Variants in ANKRD24 observed in about 807,000 individuals in gnomAD.
ANKRD24 encodes ankyrin repeat domain-containing protein 24.
In ANKRD24, 109 loss-of-function variants were observed where a neutral mutation model predicts 127.8. That is an observed-to-expected ratio of 0.85 (90% confidence interval 0.73 to 1.00). The LOEUF (loss-of-function observed/expected upper bound fraction) is 1.00. Among genes scored for constraint, ANKRD24 ranks in the 50% least tolerant of loss-of-function variants. The pLI, the probability that ANKRD24 is intolerant of heterozygous loss-of-function variation, is 0.00. For synonymous variants in ANKRD24, 743 were observed against 671.1 expected, an observed-to-expected ratio of 1.11 and a Z score of -1.66; for missense variants, 1,648 against 1,570.2, an observed-to-expected ratio of 1.05 and a Z score of -0.84.
chr19:4,198,091 T>A lies in ANKRD24; in HGVS notation c.37-1592T>A, dbSNP rs1340323474. The A allele has an allele frequency of 4.4e-6, 2 of 459,138 alleles. No homozygotes were observed. Among genetic ancestry groups the A allele is most frequent in the East Asian group, 3.5e-5 (1 of 28,218 alleles). 28.4% of individuals were successfully genotyped at this position (459,138 alleles called of 1,614,324 possible). ...CGGGCCCGGAGGCACCTGCGCGCCCTTGGCCGACTCGGAGGAGGTGGAGAT... is the reference window on the plus strand; with the variant it reads ...CGGGCCCGGAGGCACCTGCGCGCCCATGGCCGACTCGGAGGAGGTGGAGAT... On this transcript the variant is annotated intron_variant, in intron 2 of 21. Transcript: ENST00000318934. This position sits in a 1 kb window ranked among gnomAD's most constrained non-coding sequence, Gnocchi z 6.1.
intron 15 of ANKRD24, 62 bp from the exon 16 acceptor site, chr19:4,215,916 T>C: frequency 1.5e-6 from 2 of 1,343,542 alleles, no homozygotes; most frequent in Non-Finnish European, 2.1e-6. Context: ...ACTGGAGTCT[T>C]GGTGGGGACA....
At chr19:4,223,402 T>TATATATATATATATATA (rs1491398712) in intron 20 of ANKRD24, among the ~76,000 whole-genome samples, 6 of 40,428 alleles carry the variant, frequency 1.5e-4, no homozygotes, top group African/African-American at 7.2e-4. Flanking sequence ...TATATATATA[T>TATATATATATATATATA]TTTTTTTTTT....
At chr19:4,207,458 G>A (rs1969455608) in intron 8 of ANKRD24, 43 bp from the exon 9 acceptor site, 4 of 1,596,080 alleles carry the variant, frequency 2.5e-6, no homozygotes, top group African/African-American at 1.3e-5. Flanking sequence ...ACCTCCCGGG[G>A]GTCAGTTTCT....
intron 2 of ANKRD24, among the ~76,000 whole-genome samples, chr19:4,187,441 G>A (rs1239159383): frequency 2.0e-5 from 3 of 152,030 alleles, no homozygotes; most frequent in Admixed American, 1.3e-4. Flanking sequence ...AAAAAGGGAA[G>A]GGGAGTGGGG....
At chr19:4,215,766 C>A (rs1400981047) in intron 15 of ANKRD24, among the ~76,000 whole-genome samples, 4 of 64,426 alleles carry the variant, frequency 6.2e-5, no homozygotes, top group Non-Finnish European at 1.2e-4. Flanking sequence ...CAGAGTAAGA[C>A]CCTGGCTCCA....
intron 2 of ANKRD24, 27 bp downstream of exon 2, chr19:4,186,488 T>TA: frequency 4.4e-6 from 7 of 1,583,580 alleles, no homozygotes; most frequent in Non-Finnish European, 6.0e-6. Flanking sequence ...AGATGCCCGA[T>TA]ACACCCCTGC....
intron 2 of ANKRD24, among the ~76,000 whole-genome samples, chr19:4,197,138 G>A (rs1439227735): frequency 6.6e-6 from 1 of 152,144 alleles, no homozygotes; most frequent in Non-Finnish European, 1.5e-5. Flanking sequence ...TTACGGAGGA[G>A]GAAGGAGAAG....
intron 7 of ANKRD24, chr19:4,207,016 C>T: frequency 5.2e-6 from 3 of 575,506 alleles, no homozygotes; most frequent in Non-Finnish European, 9.3e-6. Flanking sequence ...AGCGGTCCTC[C>T]CGCTTCAGCT....
At chr19:4,216,182 G>C in intron 16 of ANKRD24, 102 bp from the exon 17 acceptor site, 1 of 1,396,086 alleles carries the variant, frequency 7.2e-7, no homozygotes, top group Non-Finnish European at 9.8e-7. Context: ...AATTCTGCTT[G>C]GCTGAGCCTG....
rs1969171551 is a variant in ANKRD24, at chr19:4,202,885, A to G, written c.425A>G (p.Asp142Gly). ...KQLLQASCVV[D>G]VVDSSGWTAL... Reference sequence around the variant, plus strand: ...CATCCCCAGGCTTCCTGCGTGGTGGACGTCGTGGACAGCAGCGGGTGGACT... The same window carrying G: ...CATCCCCAGGCTTCCTGCGTGGTGGGCGTCGTGGACAGCAGCGGGTGGACT... The change falls in exon 7 of 22, where the codon GAC (aspartate) becomes GGC (glycine). Residue 142 changes from aspartate to glycine, a missense_variant. Asp to Gly is a moderately conservative substitution (Grantham distance 94). Transcript: ENST00000318934. 6.3e-7 allele frequency: 1 copy of G among 1,591,104 alleles called. No individual in the cohort carries two copies. The highest frequency in any genetic ancestry group is 1.3e-5 in the African/African-American group (1 of 74,362).
At chr19:4,211,669 A>G (rs952963957) in intron 13 of ANKRD24, among the ~76,000 whole-genome samples, 1 of 151,876 alleles carries the variant, frequency 6.6e-6, no homozygotes, top group African/African-American at 2.4e-5. Context: ...AACAACAACA[A>G]ACAAAAACAA....
At chr19:4,186,239 G>T in intron 1 of ANKRD24, 151 bp from the exon 2 acceptor site, 1 of 1,427,298 alleles carries the variant, frequency 7.0e-7, no homozygotes, top group African/African-American at 1.4e-5. Flanking sequence ...ACACACAGCA[G>T]GTAGGAGATA....
At chr19:4,196,015 G>A (rs566860228) in intron 2 of ANKRD24, among the ~76,000 whole-genome samples, 1 of 152,326 alleles carries the variant, frequency 6.6e-6, no homozygotes, top group Admixed American at 6.5e-5. Flanking sequence ...GCCAGTGTTG[G>A]GATATCTGTG....
intron 1 of ANKRD24, among the ~76,000 whole-genome samples, chr19:4,185,143 GGTGGATGGATGAAGGGATGGATAA>G (rs1217340263): frequency 3.3e-5 from 5 of 151,842 alleles, no homozygotes; most frequent in Admixed American, 3.3e-4. Context: ...TGGGTGGTTG[GGTGGATGGATGAAGGGATGGATAA>G]GTGGATGGAT....
At chr19:4,203,307 C>T (rs970503521) in intron 7 of ANKRD24, among the ~76,000 whole-genome samples, 3 of 152,160 alleles carry the variant, frequency 2.0e-5, no homozygotes, top group Admixed American at 2.0e-4. Context: ...CCTTGGCCTC[C>T]CAAAGTGCTG....
intron 8 of ANKRD24, 76 bp downstream of exon 8, chr19:4,207,388 C>G: frequency 6.3e-7 from 1 of 1,577,942 alleles, no homozygotes; most frequent in Non-Finnish European, 8.7e-7. Flanking sequence ...ATCTCAGGCA[C>G]CCTTTGAAAG....
intron 18 of ANKRD24, among the ~76,000 whole-genome samples, chr19:4,218,390 T>C (rs4807548): frequency 0.78 from 119,070 of 151,760 alleles, 46,812 homozygotes; most frequent in African/African-American, 0.84. Flanking sequence ...ACCTCCTCTT[T>C]CCCGGTTCAA....
At chr19:4,210,461 C>A in intron 13 of ANKRD24, 89 bp downstream of exon 13, 2 of 1,187,078 alleles carry the variant, frequency 1.7e-6, no homozygotes, top group Non-Finnish European at 2.3e-6. Context: ...CCCACCTTCC[C>A]TCCTCCATCT....
At chr19:4,193,834 C>CGGAA (rs754244147) in intron 2 of ANKRD24, among the ~76,000 whole-genome samples, 62,126 of 78,218 alleles carry the variant, frequency 0.79, 23,248 homozygotes, top group Middle Eastern at 0.87. Flanking sequence ...GAGACTCCGT[C>CGGAA]GGGAGGGAGG....
Sources: gnomAD v4.1 joint callset for allele counts (sites outside exome capture counted in the v4.1 genomes callset) on GRCh38, gnomAD v4.1.1 for gene constraint, Gnocchi (gnomAD v3.1) non-coding constraint, MANE v1.5 for transcripts, NCBI Gene and HGNC (gene_info 2026-07-23, HGNC 2026-07-21) for gene names.